The following MACROD2 variants were observed in gnomAD, a reference collection of about 807,000 sequenced individuals.
MACROD2 encodes the protein ADP-ribose glycohydrolase MACROD2.
MACROD2 carries 36 observed loss-of-function variants against 70.4 expected under a neutral mutation model. That is an observed-to-expected ratio of 0.51 (90% CI 0.39 to 0.68). The LOEUF is 0.68. MACROD2 is among the 30% of genes least tolerant of loss of function. MACROD2 has a pLI of 0.00. For synonymous variants in MACROD2, 172 were observed against 178.8 expected, an observed-to-expected ratio of 0.96 and a Z score of 0.30; for missense variants, 496 against 538.4, an observed-to-expected ratio of 0.92 and a Z score of 0.78.
intron 12 of MACROD2, among the ~76,000 whole-genome samples, chr20:15,953,588 C>G (rs552332086): frequency 3.5e-4 from 54 of 152,216 alleles, no homozygotes; most frequent in Non-Finnish European, 6.2e-4. Flanking sequence ...TTTTGAATCT[C>G]AGCTAATTCA....
chr20:14,456,703 G>A (rs1236777581), intron 3 of MACROD2, among the ~76,000 whole-genome samples: 2 of 142,406 alleles, frequency 1.4e-5, no homozygotes, highest in African/African-American at 5.1e-5. Flanking sequence ...TTTTCTTTAA[G>A]ACTCAGGATC....
In MACROD2 at chr20:15,149,277, G is replaced by A. The variant is rs1007980344; in HGVS notation, c.419-80663G>A. On this transcript the variant is annotated intron_variant, in intron 5 of 17. Coordinates refer to ENST00000684519, the MANE Select transcript of MACROD2 (RefSeq NM_001351661.2). ...TTTCCACGATGCAAAGGAAATGAGAGGTTCTAAGAGGTGGGCTAGTGGCTT... is the reference window on the plus strand; with the variant it reads ...TTTCCACGATGCAAAGGAAATGAGAAGTTCTAAGAGGTGGGCTAGTGGCTT... Among the ~76,000 whole-genome samples, 12 of 152,026 alleles carry A rather than the reference G, an allele frequency of 7.9e-5. 1 individual carries two copies. The highest frequency in any genetic ancestry group is 2.9e-4 in the African/African-American group (12 of 41,304).
chr20:14,921,629 T>A (rs1278893056), intron 5 of MACROD2, among the ~76,000 whole-genome samples: 1 of 152,202 alleles, frequency 6.6e-6, no homozygotes, highest in African/African-American at 2.4e-5. Flanking sequence ...TTAGGATATA[T>A]GCTATTTGCA....
At chr20:15,270,595 TTACAA>T (rs1211036098) in intron 6 of MACROD2, among the ~76,000 whole-genome samples, 1 of 152,260 alleles carries the variant, frequency 6.6e-6, no homozygotes, top group East Asian at 1.9e-4. Context: ...AAAGTCAATT[TTACAA>T]TACAATAACC....
At chr20:15,079,088 A>T (rs2075682667) in intron 5 of MACROD2, among the ~76,000 whole-genome samples, 1 of 152,192 alleles carries the variant, frequency 6.6e-6, no homozygotes, top group Non-Finnish European at 1.5e-5. Flanking sequence ...CTCCTTGTTC[A>T]TAAAAATCAT....
chr20:14,410,883 GTCT>G (rs2083742207), intron 3 of MACROD2, among the ~76,000 whole-genome samples: 1 of 152,066 alleles, frequency 6.6e-6, no homozygotes, highest in Non-Finnish European at 1.5e-5. Flanking sequence ...TTGTCTCAGT[GTCT>G]TCTTCTGGTA....
At chr20:15,157,302 T>A (rs1306188454) in intron 5 of MACROD2, among the ~76,000 whole-genome samples, 2 of 150,484 alleles carry the variant, frequency 1.3e-5, no homozygotes, top group Non-Finnish European at 2.9e-5. Flanking sequence ...GCACTAATCC[T>A]ATCATGAGGG....
Position 15,673,961 on chromosome 20 carries a change from T to C in MACROD2, c.645+174114T>C, listed in dbSNP as rs369574754. ...AATTGTATTAATTTGAGTAGCCATATGTGGCTTGTGGCTACCGTATTGAAA... is the reference window on the plus strand; with the variant it reads ...AATTGTATTAATTTGAGTAGCCATACGTGGCTTGTGGCTACCGTATTGAAA... On this transcript the variant is annotated intron_variant, in intron 8 of 17. Transcript: ENST00000684519. 2.8e-4 allele frequency among the ~76,000 whole-genome samples: 42 copies of C among 152,360 alleles called. No homozygotes were observed. The South Asian group carries it at 8.5e-3, about 31-fold the overall frequency.
intron 8 of MACROD2, among the ~76,000 whole-genome samples, chr20:15,842,002 T>C (rs1180107268): frequency 6.6e-6 from 1 of 151,996 alleles, no homozygotes; most frequent in Non-Finnish European, 1.5e-5. Flanking sequence ...GGTAGGTGTG[T>C]TGGGCTTGGT....
At chr20:15,319,775 A>G (rs1284279290) in intron 6 of MACROD2, among the ~76,000 whole-genome samples, 2 of 152,230 alleles carry the variant, frequency 1.3e-5, no homozygotes, top group African/African-American at 4.8e-5. Flanking sequence ...TTTTTTAGCC[A>G]TAAAAAGGAA....
intron 4 of MACROD2, among the ~76,000 whole-genome samples, chr20:14,652,605 A>G (rs1985735122): frequency 6.6e-6 from 1 of 152,172 alleles, no homozygotes; most frequent in Admixed American, 6.5e-5. Flanking sequence ...TAGCAAACAG[A>G]TGGGTTTTAT....
chr20:15,261,342 A>T (rs2077247796), intron 6 of MACROD2, among the ~76,000 whole-genome samples: 1 of 151,980 alleles, frequency 6.6e-6, no homozygotes, highest in African/African-American at 2.4e-5. Flanking sequence ...AGGATTTAAT[A>T]CTATCAATAA....
chr20:14,440,784 C>T (rs2084112381), intron 3 of MACROD2, among the ~76,000 whole-genome samples: 1 of 152,158 alleles, frequency 6.6e-6, no homozygotes, highest in African/African-American at 2.4e-5. Context: ...CTCCAGGCCT[C>T]CCTTAGGTAG....
intron 5 of MACROD2, among the ~76,000 whole-genome samples, chr20:14,771,670 C>CACAT (rs973996616): frequency 1.6e-4 from 22 of 133,552 alleles, no homozygotes; most frequent in East Asian, 1.6e-3. Flanking sequence ...CACACACACA[C>CACAT]ATATATATAT....
chr20:14,469,206 TGAAA>T (rs2123041522), intron 3 of MACROD2, among the ~76,000 whole-genome samples: 1 of 152,342 alleles, frequency 6.6e-6, no homozygotes, highest in Admixed American at 6.5e-5. Context: ...TGCCTGTATA[TGAAA>T]TTCAGGGTTG....
At chr20:14,842,597 C>G (rs2073098747) in intron 5 of MACROD2, among the ~76,000 whole-genome samples, 1 of 152,042 alleles carries the variant, frequency 6.6e-6, no homozygotes, top group South Asian at 2.1e-4. Flanking sequence ...TTAAAGAGAA[C>G]ACTGATGGAT....
At chr20:15,073,509 A>G (rs1021092921) in intron 5 of MACROD2, among the ~76,000 whole-genome samples, 5 of 144,666 alleles carry the variant, frequency 3.5e-5, no homozygotes, top group African/African-American at 5.3e-5. Context: ...ACACACACAC[A>G]CGTACCACAT....
chr20:14,058,562 G>A (rs763449441), intron 2 of MACROD2, among the ~76,000 whole-genome samples: 50 of 148,854 alleles, frequency 3.4e-4, no homozygotes, highest in South Asian at 2.1e-4. Flanking sequence ...TTCCTATATT[G>A]AGAGTCTTTG....
chr20:15,529,189 T>A (rs758927406), intron 8 of MACROD2, among the ~76,000 whole-genome samples: 2 of 152,132 alleles, frequency 1.3e-5, no homozygotes, highest in African/African-American at 2.4e-5. Flanking sequence ...AAGTAGACAG[T>A]TCTTGTTCTC....
Sources: gnomAD v4.1 joint callset for allele counts (sites outside exome capture counted in the v4.1 genomes callset) on GRCh38, gnomAD v4.1.1 for gene constraint, MANE v1.5 for transcripts, NCBI Gene and HGNC (gene_info 2026-07-23, HGNC 2026-07-21) for gene names.